The following RGS8 variants were observed in gnomAD, a reference collection of about 807,000 sequenced individuals.
RGS8 encodes the protein regulator of G protein signaling 8.
Under a neutral mutation model 21.7 loss-of-function variants are expected in RGS8, and 8 were observed. That is an observed-to-expected ratio of 0.37 (90% CI 0.22 to 0.66). The LOEUF (loss-of-function observed/expected upper bound fraction) is 0.66. RGS8 is among the 30% of genes least tolerant of loss of function. RGS8 has a pLI of 0.59. For synonymous variants in RGS8, 80 were observed against 83.6 expected (o/e 0.96, Z 0.24); for missense variants, 157 against 217.9 (o/e 0.72, Z 1.76).
At chr1:182,667,085 T>A in intron 3 of RGS8, 112 bp from the exon 5 acceptor site, 1 of 809,758 alleles carries the variant, frequency 1.2e-6, no homozygotes, top group Non-Finnish European at 2.1e-6. Flanking sequence ...CCCCCACCCT[T>A]CCCCAGGTGG....
At chr1:182,747,043 C>CTTTTT in the RGS8 span, among the ~76,000 whole-genome samples, 1 of 21,028 alleles carries the variant, frequency 4.8e-5, no homozygotes, top group African/African-American at 1.4e-4. Context: ...CACTGCTGGT[C>CTTTTT]TTTTTTTTTT....
chr1:182,706,962 A>G, the RGS8 span, among the ~76,000 whole-genome samples: 1 of 151,926 alleles, frequency 6.6e-6, no homozygotes, highest in Non-Finnish European at 1.5e-5. Flanking sequence ...GTTCAAGACC[A>G]GCCTGCCCAA....
chr1:182,703,623 C>A, the RGS8 span, among the ~76,000 whole-genome samples: 1 of 152,182 alleles, frequency 6.6e-6, no homozygotes, highest in Non-Finnish European at 1.5e-5. Flanking sequence ...TCAGCTATAA[C>A]CTGATTATCT....
At chr1:182,683,865 T>C (rs1024654666) in intron 1 of RGS8, among the ~76,000 whole-genome samples, 4 of 152,198 alleles carry the variant, frequency 2.6e-5, no homozygotes, top group Non-Finnish European at 5.9e-5. Flanking sequence ...GCACATGTAC[T>C]GGAAACAAAA....
the RGS8 span, among the ~76,000 whole-genome samples, chr1:182,716,204 C>T: frequency 1.3e-5 from 2 of 151,074 alleles, no homozygotes; most frequent in African/African-American, 4.9e-5. Context: ...TAGCTCATTG[C>T]AACTTCCACC....
chr1:182,712,025 A>G, the RGS8 span, among the ~76,000 whole-genome samples: 8 of 152,304 alleles, frequency 5.3e-5, no homozygotes, highest in Admixed American at 1.3e-4. Flanking sequence ...CAGGAACCCT[A>G]TAAGTAACTT....
the RGS8 span, among the ~76,000 whole-genome samples, chr1:182,721,054 T>C: frequency 0.014 from 794 of 56,544 alleles, 16 homozygotes; most frequent in African/African-American, 0.033. Context: ...TACATACATA[T>C]ATATGTGTGT....
rs948560810 is a variant in RGS8, at chr1:182,646,625, C to T, written c.*110G>A. On this transcript the variant is annotated 3_prime_UTR_variant, in exon 7 of 7. Coordinates refer to ENST00000483095, the Ensembl canonical transcript of RGS8. ...CATTCCCTCCTCACCCCCAGCCTCC[C>T]ACCCCCAATGCCACCGCTTTTGAAC... 3.9e-6 allele frequency: 4 copies of T among 1,023,900 alleles called. No individual in the cohort carries two copies. In the African/African-American group the frequency reaches 4.8e-5, roughly 12 times the overall value. The allele number at this position is 1,023,900 out of a possible 1,614,324, so 63.4% of individuals were successfully genotyped here.
At chr1:182,644,102 C>A (rs1368412697), downstream of RGS8, 2 of 152,280 alleles carry the variant, frequency 1.3e-5, no homozygotes, top group African/African-American at 2.4e-5. Context: ...GACTGGGAAA[C>A]ATGGAAGCTC....
At chr1:182,689,264 GACACACACACACACACAC>G (rs34000229), upstream of RGS8, among the ~76,000 whole-genome samples, 818 of 125,762 alleles carry the variant, frequency 6.5e-3, 5 homozygotes, top group African/African-American at 0.021. Context: ...CACACACACA[GACACACACACACACACAC>G]ACACACACAC....
Position 182,668,788 on chromosome 1 carries a change from G to A in RGS8, c.26+836C>T, listed in dbSNP as rs865819718. ...GCGGGCATCTTATGTGTCTACTCGC[G>A]CTTGCAAATCGCAGGGTGTCTGACA... is the stretch of plus-strand genomic sequence containing the variant. On this transcript the variant is annotated intron_variant, in intron 3 of 6. Coordinates refer to ENST00000483095, the Ensembl canonical transcript of RGS8. Among the ~76,000 whole-genome samples the A allele has an allele frequency of 2.6e-5, 4 of 152,178 alleles. No homozygotes were observed. The South Asian group carries it at 6.2e-4, about 24-fold the overall frequency.
chr1:182,692,414 C>T, the RGS8 span, among the ~76,000 whole-genome samples: 1 of 151,834 alleles, frequency 6.6e-6, no homozygotes, highest in Non-Finnish European at 1.5e-5. Flanking sequence ...TTTAACTAAC[C>T]AGGGAGGTGA....
intron 3 of RGS8, among the ~76,000 whole-genome samples, chr1:182,667,873 G>A (rs373875455): frequency 1.3e-5 from 2 of 151,168 alleles, no homozygotes; most frequent in South Asian, 2.1e-4. Context: ...TTAGAGAAAC[G>A]GTCTTGCTAT....
the RGS8 span, chr1:182,712,990 T>G: frequency 2.6e-5 from 4 of 152,276 alleles, no homozygotes; most frequent in African/African-American, 9.6e-5. Flanking sequence ...AATTAATCAT[T>G]TGAATTTAAT....
chr1:182,710,801 T>C, the RGS8 span, among the ~76,000 whole-genome samples: 62 of 152,148 alleles, frequency 4.1e-4, no homozygotes, highest in African/African-American at 1.4e-3. Context: ...AAAATGTAGG[T>C]AGTAGTAATA....
At chr1:182,708,701 AAC>A in the RGS8 span, among the ~76,000 whole-genome samples, 5 of 152,334 alleles carry the variant, frequency 3.3e-5, no homozygotes, top group East Asian at 9.6e-4. Flanking sequence ...GGCCAAGAAC[AAC>A]AGACTTCAAA....
the RGS8 span, among the ~76,000 whole-genome samples, chr1:182,714,888 A>T: frequency 6.6e-6 from 1 of 152,238 alleles, no homozygotes; most frequent in Non-Finnish European, 1.5e-5. Context: ...CTTCATCCAA[A>T]TGTTTGGCAT....
chr1:182,746,650 A>G, the RGS8 span, among the ~76,000 whole-genome samples: 1 of 151,916 alleles, frequency 6.6e-6, no homozygotes, highest in South Asian at 2.1e-4. Context: ...AGACTCTGTC[A>G]AAAAAAGAAA....
chr1:182,672,665 T>C (rs913921072), upstream of RGS8, among the ~76,000 whole-genome samples: 1 of 152,184 alleles, frequency 6.6e-6, no homozygotes, highest in Non-Finnish European at 1.5e-5. Context: ...TTTCCTACAG[T>C]AGAAACTCAC....
Sources: gnomAD v4.1 joint callset for allele counts (sites outside exome capture counted in the v4.1 genomes callset) on GRCh38, gnomAD v4.1.1 for gene constraint, MANE v1.5 for transcripts, NCBI Gene and HGNC (gene_info 2026-07-23, HGNC 2026-07-21) for gene names.